The following TMEM132B variants were observed in gnomAD, a reference collection of about 807,000 sequenced individuals.
The protein encoded by TMEM132B is transmembrane protein 132B.
TMEM132B carries 18 observed loss-of-function variants against 90.8 expected under a neutral mutation model. The ratio of observed to expected loss-of-function variants is 0.20; its 90% CI spans 0.14 to 0.29. The LOEUF is 0.29. Among genes scored for constraint, TMEM132B ranks in the 10% least tolerant of loss-of-function variants. The pLI is 1.00. For missense variants in TMEM132B, 1,096 were observed against 1,326.8 expected, an observed-to-expected ratio of 0.83 and a Z score of 2.70; for synonymous variants, 504 against 523.3, an observed-to-expected ratio of 0.96 and a Z score of 0.50.
chr12:125,454,356 G>GT (rs1187767774), intron 3 of TMEM132B, among the ~76,000 whole-genome samples: 2 of 151,738 alleles, frequency 1.3e-5, no homozygotes, highest in African/African-American at 4.9e-5. Flanking sequence ...GCAAAAGGAA[G>GT]TGCCTGCCTA....
At chr12:125,421,511 G>A (rs1018698015) in intron 3 of TMEM132B, among the ~76,000 whole-genome samples, 1 of 152,192 alleles carries the variant, frequency 6.6e-6, no homozygotes, top group Non-Finnish European at 1.5e-5. Context: ...ACCTCCATGA[G>A]TCAGTTACCT....
At chr12:125,224,843 C>T (rs1873641007) in intron 1 of TMEM132B, among the ~76,000 whole-genome samples, 1 of 152,210 alleles carries the variant, frequency 6.6e-6, no homozygotes, top group Non-Finnish European at 1.5e-5. Flanking sequence ...AAAGGGGTAT[C>T]TGTTGAAAAG....
intron 3 of TMEM132B, among the ~76,000 whole-genome samples, chr12:125,454,317 A>G (rs193090188): frequency 6.6e-6 from 1 of 152,198 alleles, no homozygotes; most frequent in African/African-American, 2.4e-5. Context: ...TTGTGAACCT[A>G]TACATGGCAA....
intron 2 of TMEM132B, among the ~76,000 whole-genome samples, chr12:125,395,957 C>T (rs1447314434): frequency 6.6e-6 from 1 of 152,228 alleles, no homozygotes; most frequent in African/African-American, 2.4e-5. Context: ...GTGAGCCAAT[C>T]AACTGTGGCC....
chr12:125,234,207 G>A (rs1397184749), intron 1 of TMEM132B, among the ~76,000 whole-genome samples: 1 of 152,138 alleles, frequency 6.6e-6, no homozygotes, highest in Non-Finnish European at 1.5e-5. Flanking sequence ...CATAGTTTTT[G>A]CATCCTCCTC....
At chr12:125,649,703 G>C (rs1886858272) in intron 6 of TMEM132B, among the ~76,000 whole-genome samples, 1 of 152,148 alleles carries the variant, frequency 6.6e-6, no homozygotes, top group African/African-American at 2.4e-5. Context: ...TCCCCTGACA[G>C]AATCCCCAGG....
rs1193020391 is a variant in TMEM132B at position 125,654,631 on chromosome 12, A to G, written c.3173A>G (p.Lys1058Arg). 1 of 1,614,196 alleles carries G rather than the reference A, an allele frequency of 6.2e-7. No homozygotes were observed. Among genetic ancestry groups the G allele is most frequent in the Admixed American group, 1.7e-5 (1 of 60,026 alleles). The change falls in exon 9 of 9, where the codon AAG (lysine) becomes AGG (arginine). Residue 1058 changes from lysine (K) to arginine (R), a missense_variant. Lys to Arg is a conservative substitution (Grantham distance 26). Transcript: ENST00000682704. This position sits in a 1 kb window ranked among gnomAD's most constrained non-coding sequence, Gnocchi z 5.8. Reference sequence around the variant, plus strand: ...CTGTTTGACAGCGATGATAACATCAAGTGGGTCTGCCAAGATATGGGGCTG... The same window carrying G: ...CTGTTTGACAGCGATGATAACATCAGGTGGGTCTGCCAAGATATGGGGCTG... ...SILFDSDDNI[K>R]WVCQDMGLGD...
At chr12:125,465,439 C>T (rs1023326862) in intron 3 of TMEM132B, among the ~76,000 whole-genome samples, 2 of 152,202 alleles carry the variant, frequency 1.3e-5, no homozygotes, top group East Asian at 1.9e-4. Context: ...CTTATTAATG[C>T]ATTATGACTT....
chr12:125,380,765 G>A (rs183727598), intron 2 of TMEM132B, among the ~76,000 whole-genome samples: 1 of 152,288 alleles, frequency 6.6e-6, no homozygotes, highest in African/African-American at 2.4e-5. Context: ...CCCACCCATG[G>A]TGTCCATGGT....
At chr12:125,609,184 A>T (rs769475229) in intron 5 of TMEM132B, among the ~76,000 whole-genome samples, 1 of 152,120 alleles carries the variant, frequency 6.6e-6, no homozygotes, top group Non-Finnish European at 1.5e-5. Flanking sequence ...CGTGAGGATT[A>T]TGGGGATTAC....
At chr12:125,557,024 A>G (rs1249741281) in intron 4 of TMEM132B, among the ~76,000 whole-genome samples, 1 of 152,114 alleles carries the variant, frequency 6.6e-6, no homozygotes, top group Non-Finnish European at 1.5e-5. Context: ...CTCTTTAACA[A>G]TATTTGACTT....
intron 4 of TMEM132B, among the ~76,000 whole-genome samples, chr12:125,521,322 C>G (rs749110994): frequency 1.6e-4 from 25 of 152,020 alleles, no homozygotes; most frequent in Non-Finnish European, 2.9e-4. Flanking sequence ...TCCCCTTCCC[C>G]TTCTCCTTTT....
In TMEM132B at chr12:125,644,768, C is replaced by T. The variant is rs115857580; in HGVS notation, c.1643+487C>T. ...CATCCCGCGCCGGGCAAGACTCTTC[C>T]TTTTTTTGCCTGAATTTTAACCCCA... On this transcript the variant is annotated intron_variant, in intron 6 of 8. Coordinates refer to ENST00000682704, the MANE Select transcript of TMEM132B (RefSeq NM_001366854.1). Among the ~76,000 whole-genome samples the T allele has an allele frequency of 3.2e-3, 482 of 152,190 alleles. 4 individuals carry two copies. Among genetic ancestry groups the T allele is most frequent in the African/African-American group, 0.011 (465 of 41,530 alleles).
At position 125,644,261 on chromosome 12, in the gene TMEM132B, C is replaced by T. The variant is rs781265852; in HGVS notation, c.1623C>T (p.Ile541=). 1 of 1,614,158 alleles carries T rather than the reference C, an allele frequency of 6.2e-7. No individual in the cohort carries two copies. Among genetic ancestry groups the T allele is most frequent in the Non-Finnish European group, 8.5e-7 (1 of 1,180,034 alleles). Residue 541 remains isoleucine, a synonymous_variant, in exon 6 of 9, where the codon ATC becomes ATT. Coordinates refer to ENST00000682704, the MANE Select transcript of TMEM132B (RefSeq NM_001366854.1). ...TGAGCCAGATCAAGGGCTGGAGGAT[C>T]CCGGTTGCTGCCAACAGAAGGTGAG... ...TELSQIKGWR[I]PVAANRRPTR... is the part of the protein sequence containing the mutation.
At chr12:125,627,180 C>T (rs1017926335) in intron 5 of TMEM132B, among the ~76,000 whole-genome samples, 1 of 152,044 alleles carries the variant, frequency 6.6e-6, no homozygotes, top group African/African-American at 2.4e-5. Flanking sequence ...TGAAATTACC[C>T]ATCTTCTCCT....
At chr12:125,340,331 G>C (rs544097202) in intron 1 of TMEM132B, among the ~76,000 whole-genome samples, 4 of 152,242 alleles carry the variant, frequency 2.6e-5, no homozygotes, top group African/African-American at 9.6e-5. Context: ...TCTGAATTCA[G>C]TGCGTGCTAA....
At chr12:125,336,306 T>C (rs1321534858) in intron 1 of TMEM132B, among the ~76,000 whole-genome samples, 1 of 152,236 alleles carries the variant, frequency 6.6e-6, no homozygotes, top group African/African-American at 2.4e-5. Flanking sequence ...TTATCCATGA[T>C]GCTGCCTGTC....
At chr12:125,473,973 G>A (rs946288752) in intron 3 of TMEM132B, among the ~76,000 whole-genome samples, 23 of 151,658 alleles carry the variant, frequency 1.5e-4, no homozygotes, top group African/African-American at 4.8e-4. Flanking sequence ...AAATAGCAAT[G>A]TGTTTTTTTT....
chr12:125,589,843 T>C (rs1885277652), intron 5 of TMEM132B, among the ~76,000 whole-genome samples: 2 of 151,872 alleles, frequency 1.3e-5, no homozygotes, highest in Non-Finnish European at 2.9e-5. Flanking sequence ...AGGCCCCACC[T>C]CCAACATTAG....
Sources: gnomAD v4.1 joint callset for allele counts (sites outside exome capture counted in the v4.1 genomes callset) on GRCh38, gnomAD v4.1.1 for gene constraint, Gnocchi (gnomAD v3.1) non-coding constraint, MANE v1.5 for transcripts, NCBI Gene and HGNC (gene_info 2026-07-23, HGNC 2026-07-21) for gene names.